The following MYH14 variants were observed in gnomAD, a reference collection of about 807,000 sequenced individuals.
MYH14 encodes the protein myosin-14.
In MYH14, 123 loss-of-function variants were observed where a neutral mutation model predicts 255.5. The observed-to-expected ratio is 0.48, with a 90% CI of 0.42 to 0.56. The LOEUF is 0.56. Among genes scored for constraint, MYH14 ranks in the 20% least tolerant of loss-of-function variants. The probability of loss-of-function intolerance (pLI) is 0.00; values close to 1 mark genes in which losing one functional copy is unlikely to be tolerated. For missense variants in MYH14, 2,423 were observed against 2,802.3 expected (o/e 0.86, Z 3.06); for synonymous variants, 1,095 against 1,161.2 (o/e 0.94, Z 1.16).
chr19:50,206,757 G>A (rs1037064735), intron 1 of MYH14, among the ~76,000 whole-genome samples: 11 of 152,082 alleles, frequency 7.2e-5, no homozygotes, highest in South Asian at 6.2e-4. Context: ...GCAGCTGGGC[G>A]TTTAGAAGGA....
At chr19:50,207,271 C>CAGAGAGAGGGAGAG (rs2031836419) in intron 1 of MYH14, among the ~76,000 whole-genome samples, 6 of 76,804 alleles carry the variant, frequency 7.8e-5, no homozygotes, top group Non-Finnish European at 1.5e-4. Context: ...GAGAGAGAGA[C>CAGAGAGAGGGAGAG]AGAGAGAGAG....
Position 50,249,402 on chromosome 19 carries a change from C to T in MYH14, c.1483-248C>T, listed in dbSNP as rs2034268743. ...CTCTCTCTCTGGGTCTCTGTCCTCT[C>T]TCTCTGCATCTCTGTCCCCTGTCTC... is the stretch of plus-strand genomic sequence containing the variant. On this transcript the variant is annotated intron_variant, in intron 13 of 42. Coordinates refer to ENST00000642316, the MANE Select transcript of MYH14 (RefSeq NM_001145809.2). 4.9e-6 allele frequency: 3 copies of T among 616,870 alleles called. No individual in the cohort carries two copies. In the Admixed American group the frequency reaches 9.0e-5, roughly 18 times the overall value. The allele number at this position is 616,870 out of a possible 1,614,324, so 38.2% of individuals were successfully genotyped here.
In MYH14 at chr19:50,307,055, C is replaced by T. The variant is rs185361862; in HGVS notation, c.5685C>T (p.Arg1895=). 1 of 1,548,960 alleles carries T rather than the reference C, an allele frequency of 6.5e-7. No individual in the cohort carries two copies. The highest frequency in any genetic ancestry group is 8.7e-7 in the Non-Finnish European group (1 of 1,144,938). The change falls in exon 41 of 43, where the codon CGC becomes CGT. Residue 1895 remains arginine (R), a synonymous_variant. Coordinates refer to ENST00000642316, the MANE Select transcript of MYH14 (RefSeq NM_001145809.2). ...EEQLEQETRE[R]ILSGKLVRRA... ...TCCTCATCCCTCTCTTCAGAGAGCG[C>T]ATCCTCTCTGGAAAGCTGGTGCGCA...
At chr19:50,268,638 A>G (rs1321140877) in intron 24 of MYH14, among the ~76,000 whole-genome samples, 1 of 152,224 alleles carries the variant, frequency 6.6e-6, no homozygotes, top group Admixed American at 6.5e-5. Flanking sequence ...CCTCAGCTTC[A>G]GGCATGGCTG....
chr19:50,301,760 G>A lies in MYH14; in HGVS notation c.5569G>A (p.Gly1857Arg), dbSNP rs2123478740. 6.2e-7 allele frequency: 1 copy of A among 1,613,934 alleles called. No homozygotes were observed. Among genetic ancestry groups the A allele is most frequent in the Non-Finnish European group, 8.5e-7 (1 of 1,179,868 alleles). ...QLERQIQELR[G>R]RLGEEDAGAR... ...GGAACGGCAGATCCAGGAGCTACGG[G>A]GACGCCTGGGTGAGGAGGATGCTGG... Residue 1857 changes from glycine (G) to arginine (R), a missense_variant, in exon 40 of 43, where the codon GGA (glycine) becomes AGA (arginine). Gly to Arg is a moderately radical substitution (Grantham distance 125, BLOSUM62 -2). This residue lies in a region of MYH14 where 1,513 missense variants were observed against 1,674.8 expected (regional missense o/e 0.90). Transcript: ENST00000642316.
intron 19 of MYH14, among the ~76,000 whole-genome samples, chr19:50,259,691 C>A (rs549765090): frequency 2.0e-5 from 3 of 152,154 alleles, no homozygotes; most frequent in South Asian, 4.2e-4. Flanking sequence ...CCAGCCTGAC[C>A]AACGTGGAGA....
At chr19:50,248,719 C>T (rs760768005) in intron 12 of MYH14, among the ~76,000 whole-genome samples, 4 of 152,234 alleles carry the variant, frequency 2.6e-5, no homozygotes, top group Non-Finnish European at 5.9e-5. Flanking sequence ...CGCTCTTAAC[C>T]GCTGTGCGGT....
intron 27 of MYH14, among the ~76,000 whole-genome samples, chr19:50,272,950 C>T (rs751141972): frequency 2.6e-5 from 4 of 151,950 alleles, no homozygotes; most frequent in Non-Finnish European, 5.9e-5. Context: ...AAACAAGACT[C>T]TATGTGTCTG....
chr19:50,301,984 G>T, intron 40 of MYH14, 115 bp downstream of exon 40: 3 of 852,348 alleles, frequency 3.5e-6, no homozygotes, highest in Non-Finnish European at 3.7e-6. Context: ...CATCATCATA[G>T]TAATGACTGC....
chr19:50,225,533 G>C lies in MYH14; in HGVS notation c.718-52G>C, dbSNP rs2033048273. On this transcript the variant is annotated intron_variant, in intron 6 of 42. Coordinates refer to ENST00000642316, the MANE Select transcript of MYH14 (RefSeq NM_001145809.2). ...ACACAGCCCGAGCTGGGCTGGCCTG[G>C]CCTCCTGCCCCATTCTCACTGACCT... 5.4e-6 allele frequency: 8 copies of C among 1,472,826 alleles called. No homozygotes were observed. The South Asian group carries it at 9.4e-5, about 17-fold the overall frequency. The allele number at this position is 1,472,826 out of a possible 1,614,324, so 91.2% of individuals were successfully genotyped here. A position where few individuals can be genotyped will look rare whatever the true frequency, so the allele number is the denominator to read the frequency against.
intron 40 of MYH14, among the ~76,000 whole-genome samples, chr19:50,306,808 C>G (rs978616665): frequency 2.0e-5 from 3 of 152,164 alleles, no homozygotes; most frequent in Non-Finnish European, 2.9e-5. Flanking sequence ...TATTATAACT[C>G]ACAACATCAT....
Position 50,271,961 on chromosome 19 carries a change from C to T in MYH14, c.3284C>T (p.Ala1095Val), listed in dbSNP as rs780640622. The change falls in exon 26 of 43, where the codon GCA becomes GTA. Residue 1095 changes from alanine (A) to valine (V), a missense_variant. Physicochemically the swap from Ala to Val is moderately conservative, Grantham distance 64 (BLOSUM62 0). Coordinates refer to ENST00000642316, the MANE Select transcript of MYH14 (RefSeq NM_001145809.2). ...CGGCTCAAATATGAGGCCACAATCG[C>T]AGACATGGAGGGTGAGCTCCCGCCC... Reference protein sequence around the residue: ...KLRLKYEATIADMEDRLRKEE... With the variant: ...KLRLKYEATIVDMEDRLRKEE... The T allele has an allele frequency of 1.2e-6, 2 of 1,609,666 alleles. No individual in the cohort carries two copies. The highest frequency in any genetic ancestry group is 2.2e-5 in the South Asian group (2 of 89,916).
intron 39 of MYH14, among the ~76,000 whole-genome samples, chr19:50,294,773 T>C (rs1347985110): frequency 6.6e-6 from 1 of 151,876 alleles, no homozygotes; most frequent in African/African-American, 2.4e-5. Flanking sequence ...TCAACAGTTA[T>C]GTGTAGTAAG....
Position 50,250,788 on chromosome 19 carries a change from C to T in MYH14, c.1830+100C>T, listed in dbSNP as rs1331388184. On this transcript the variant is annotated intron_variant, in intron 15 of 42. Transcript: ENST00000642316. The surrounding 1 kb of genome is among the most constrained non-coding windows in gnomAD (Gnocchi z 5.4). The stretch of plus-strand genomic sequence containing the variant: ...GGGTGCAGAGGGAAAACAGGGTCCT[C>T]CTGAGGTCCAGACAAACAGAGCAGG... 7.8e-7 allele frequency: 1 copy of T among 1,279,166 alleles called. No individual in the cohort carries two copies. Among genetic ancestry groups the T allele is most frequent in the East Asian group, 2.3e-5 (1 of 42,684 alleles). 79.2% of individuals were successfully genotyped at this position (1,279,166 alleles called of 1,614,324 possible).
At chr19:50,249,920 C>T in intron 14 of MYH14, 97 bp downstream of exon 14, 2 of 1,462,510 alleles carry the variant, frequency 1.4e-6, no homozygotes, top group Non-Finnish European at 1.9e-6. Context: ...TGCTGGGCCT[C>T]AGGATGCCCC....
At chr19:50,249,309 C>T in intron 13 of MYH14, 170 bp downstream of exon 13, 1 of 821,828 alleles carries the variant, frequency 1.2e-6, no homozygotes, top group East Asian at 2.7e-5. Flanking sequence ...GTCTCTGTCC[C>T]CTGTCTCTGG....
At chr19:50,269,586 G>GA (rs537901585) in intron 24 of MYH14, among the ~76,000 whole-genome samples, 511 of 152,310 alleles carry the variant, frequency 3.4e-3, no homozygotes, top group African/African-American at 0.012. Flanking sequence ...CCAGACAGGT[G>GA]AGGGGGGCCG....
intron 2 of MYH14, among the ~76,000 whole-genome samples, chr19:50,210,975 A>G (rs1359339459): frequency 1.3e-5 from 2 of 152,244 alleles, no homozygotes; most frequent in Non-Finnish European, 2.9e-5. Context: ...GGGACATTGC[A>G]TGATACATAT....
intron 10 of MYH14, among the ~76,000 whole-genome samples, chr19:50,233,817 A>ACCCCCCCCCCCCCC (rs1385579013): frequency 1.4e-3 from 159 of 111,900 alleles, no homozygotes; most frequent in Admixed American, 2.3e-3. Context: ...CCTCCCCCCG[A>ACCCCCCCCCCCCCC]CCCCCCCGCC....
Sources: gnomAD v4.1 joint callset for allele counts (sites outside exome capture counted in the v4.1 genomes callset) on GRCh38, gnomAD v4.1.1 for gene constraint, gnomAD v4.1.1 regional missense constraint, Gnocchi (gnomAD v3.1) non-coding constraint, MANE v1.5 for transcripts, NCBI Gene and HGNC (gene_info 2026-07-23, HGNC 2026-07-21) for gene names.